The following RANBP9 variants were observed in gnomAD, a reference collection of about 807,000 sequenced individuals.
RANBP9 encodes the protein ran-binding protein 9.
Under a neutral mutation model 84.3 loss-of-function variants are expected in RANBP9, and 15 were observed. The ratio of observed to expected loss-of-function variants is 0.18; its 90% CI spans 0.12 to 0.27. The LOEUF (loss-of-function observed/expected upper bound fraction) is 0.27. RANBP9 is among the 10% of genes least tolerant of loss of function. The pLI is 1.00. For missense variants in RANBP9, 809 were observed against 912.8 expected (o/e 0.89, Z 1.46); for synonymous variants, 392 against 349.6 (o/e 1.12, Z -1.35).
At chr6:13,686,545 A>G (rs937617187) in intron 2 of RANBP9, among the ~76,000 whole-genome samples, 4 of 151,832 alleles carry the variant, frequency 2.6e-5, no homozygotes, top group Non-Finnish European at 4.4e-5. Context: ...TCAGCCTCCC[A>G]AAGTGCCGGG....
chr6:13,675,231 A>T (rs935902779), intron 2 of RANBP9, among the ~76,000 whole-genome samples: 6 of 152,226 alleles, frequency 3.9e-5, no homozygotes, highest in Non-Finnish European at 8.8e-5. Flanking sequence ...TCTTAAGCTC[A>T]CAAAAACATT....
chr6:13,638,782 A>G (rs1235238435), intron 9 of RANBP9, among the ~76,000 whole-genome samples: 1 of 152,098 alleles, frequency 6.6e-6, no homozygotes, highest in Non-Finnish European at 1.5e-5. Context: ...AAGACTGGTG[A>G]GCCAACAAAC....
chr6:13,686,523 G>T (rs1445704202), intron 2 of RANBP9, among the ~76,000 whole-genome samples: 1 of 151,872 alleles, frequency 6.6e-6, no homozygotes, highest in Non-Finnish European at 1.5e-5. Flanking sequence ...GACCTCAGGT[G>T]ATCCACCCAC....
At chr6:13,693,239 A>T (rs1766368439) in intron 2 of RANBP9, among the ~76,000 whole-genome samples, 1 of 152,248 alleles carries the variant, frequency 6.6e-6, no homozygotes, top group Non-Finnish European at 1.5e-5. Context: ...AATATAAGCC[A>T]GCATGCGTAG....
At chr6:13,692,402 C>T (rs951536062) in intron 2 of RANBP9, among the ~76,000 whole-genome samples, 2 of 151,568 alleles carry the variant, frequency 1.3e-5, no homozygotes, top group African/African-American at 4.9e-5. Flanking sequence ...GTGGCGCATG[C>T]CTGTAATCCA....
chr6:13,628,457 C>CA (rs773774869), intron 12 of RANBP9, among the ~76,000 whole-genome samples: 4 of 151,940 alleles, frequency 2.6e-5, no homozygotes, highest in Non-Finnish European at 5.9e-5. Flanking sequence ...TAAAATACCC[C>CA]AAAAAACATA....
At position 13,666,287 on chromosome 6, in the gene RANBP9, T is replaced by G. The variant is rs568168546; in HGVS notation, c.684-7455A>C. Among the ~76,000 whole-genome samples, 6 of 151,992 alleles carry G rather than the reference T, an allele frequency of 3.9e-5. No individual in the cohort carries two copies. In the South Asian group the frequency reaches 1.2e-3, roughly 32 times the overall value. ...AGGAATAAAGAGATACCTTATAAAA[T>G]AATTATAGTCAGGTCCGCTATATCA... is the stretch of plus-strand genomic sequence containing the variant. On this transcript the variant is annotated intron_variant, in intron 2 of 13. Coordinates refer to ENST00000011619, the MANE Select transcript of RANBP9 (RefSeq NM_005493.3).
In RANBP9 at chr6:13,711,329, G is replaced by A. The variant is rs893147220; in HGVS notation, c.177C>T (p.Gly59=). The stretch of plus-strand genomic sequence containing the variant: ...GCAGGGCGGCCGCCGCGGCCCCTAA[G>A]CCTTCGCCGCCCGCACCGCCGCCGG... The part of the protein sequence containing the change: ...GSPGGGAGGE[G]LGAAAAALLL... The change falls in exon 1 of 14, where the codon GGC becomes GGT. Residue 59 remains glycine, a synonymous_variant. Transcript: ENST00000011619. The A allele has an allele frequency of 4.5e-6, 5 of 1,106,346 alleles. No homozygotes were observed. Among genetic ancestry groups the A allele is most frequent in the Non-Finnish European group, 5.5e-6 (5 of 908,744 alleles). 68.5% of individuals were successfully genotyped at this position (1,106,346 alleles called of 1,614,324 possible). A position where few individuals can be genotyped will look rare whatever the true frequency, so the allele number is the denominator to read the frequency against.
intron 1 of RANBP9, among the ~76,000 whole-genome samples, chr6:13,702,899 C>T (rs945173106): frequency 6.6e-6 from 1 of 152,194 alleles, no homozygotes; most frequent in Non-Finnish European, 1.5e-5. Flanking sequence ...TCAAACTGCT[C>T]TCCCTAAAGT....
chr6:13,633,979 A>C (rs1457348677), intron 11 of RANBP9, among the ~76,000 whole-genome samples: 1 of 151,926 alleles, frequency 6.6e-6, no homozygotes, highest in African/African-American at 2.4e-5. Context: ...GGTCATACTT[A>C]AGCACCTACT....
At chr6:13,709,876 G>A (rs1255429561) in intron 1 of RANBP9, among the ~76,000 whole-genome samples, 3 of 152,166 alleles carry the variant, frequency 2.0e-5, no homozygotes, top group South Asian at 2.1e-4. Flanking sequence ...TAGGATCTGA[G>A]TAGACCCCTT....
intron 4 of RANBP9, 93 bp from the exon 5 acceptor site, chr6:13,652,774 G>A: frequency 1.0e-5 from 11 of 1,096,434 alleles, no homozygotes; most frequent in Admixed American, 2.3e-5. Flanking sequence ...GGAAACAAAT[G>A]GCAAAAGAAA....
chr6:13,664,268 A>G (rs182129938), intron 2 of RANBP9, among the ~76,000 whole-genome samples: 13 of 152,270 alleles, frequency 8.5e-5, no homozygotes, highest in Admixed American at 7.2e-4. Context: ...ACAGCATCAG[A>G]AAACATAAAA....
chr6:13,651,515 C>T (rs1485800943), intron 5 of RANBP9, among the ~76,000 whole-genome samples: 8 of 151,974 alleles, frequency 5.3e-5, no homozygotes, highest in Non-Finnish European at 1.0e-4. Flanking sequence ...CTGCCTCAGC[C>T]TCCTGAGTAG....
At chr6:13,655,966 TCTCTTGTGGA>T (rs1488273731) in intron 4 of RANBP9, among the ~76,000 whole-genome samples, 2 of 152,134 alleles carry the variant, frequency 1.3e-5, no homozygotes, top group Non-Finnish European at 2.9e-5. Context: ...GAGAAAAGGA[TCTCTTGTGGA>T]CTTGAGAAAA....
At chr6:13,648,401 G>A (rs555432149) in intron 5 of RANBP9, among the ~76,000 whole-genome samples, 4 of 152,042 alleles carry the variant, frequency 2.6e-5, no homozygotes, top group Non-Finnish European at 5.9e-5. Context: ...GCCTCCCAAA[G>A]TGCTAGAATT....
chr6:13,654,193 C>T (rs531374422), intron 4 of RANBP9, among the ~76,000 whole-genome samples: 1 of 151,922 alleles, frequency 6.6e-6, no homozygotes. Flanking sequence ...ATATAGTTAC[C>T]ACAACATGTT....
At chr6:13,687,971 T>TGGCAGCAGCCAGCAGCAACAGC (rs1766228955) in intron 2 of RANBP9, among the ~76,000 whole-genome samples, 3 of 152,242 alleles carry the variant, frequency 2.0e-5, no homozygotes, top group African/African-American at 7.2e-5. Context: ...GCAGCAGCAG[T>TGGCAGCAGCCAGCAGCAACAGC]GGCAGCAGCC....
chr6:13,632,588 C>T (rs1013269503), intron 11 of RANBP9, 67 bp from the exon 12 acceptor site: 20 of 1,403,954 alleles, frequency 1.4e-5, no homozygotes, highest in Non-Finnish European at 1.6e-5. Flanking sequence ...CACGAACATA[C>T]ATTTCTTATA....
Sources: gnomAD v4.1 joint callset for allele counts (sites outside exome capture counted in the v4.1 genomes callset) on GRCh38, gnomAD v4.1.1 for gene constraint, MANE v1.5 for transcripts, NCBI Gene and HGNC (gene_info 2026-07-23, HGNC 2026-07-21) for gene names.